GRM8: variants seen among roughly 807,000 people sequenced by gnomAD.
The protein encoded by GRM8 is glutamate metabotropic receptor 8.
A neutral mutation model predicts 87.2 loss-of-function variants in GRM8; 47 were observed. That is an observed-to-expected ratio of 0.54 (90% CI 0.43 to 0.69). The LOEUF is 0.69. Ranked by LOEUF, GRM8 falls within the 30% of genes least tolerant of loss-of-function variation. GRM8 has a pLI of 0.00. For synonymous variants in GRM8, 396 were observed against 404.5 expected (o/e 0.98, Z 0.25); for missense variants, 1,019 against 1,139.2 (o/e 0.89, Z 1.52).
chr7:127,092,371 G>C (rs1341852194), intron 3 of GRM8, among the ~76,000 whole-genome samples: 5 of 152,240 alleles, frequency 3.3e-5, no homozygotes, highest in African/African-American at 4.8e-5. Context: ...ATTAGAGAAG[G>C]CTTCCTGGAA....
chr7:126,704,607 A>T (rs1388859602), intron 7 of GRM8, among the ~76,000 whole-genome samples: 1 of 152,168 alleles, frequency 6.6e-6, no homozygotes, highest in East Asian at 1.9e-4. Context: ...TCAGCAAGGA[A>T]CATCCCTGAG....
chr7:126,531,612 C>G (rs1814833033), intron 9 of GRM8, among the ~76,000 whole-genome samples: 1 of 152,198 alleles, frequency 6.6e-6, no homozygotes, highest in African/African-American at 2.4e-5. Context: ...GCCTCTACAA[C>G]TCTGCAATGT....
chr7:126,770,086 A>C (rs1460376719), intron 6 of GRM8, 21 bp from the exon 7 acceptor site: 1 of 1,547,436 alleles, frequency 6.5e-7, no homozygotes, highest in Non-Finnish European at 8.9e-7. Context: ...AAAAAGTAAA[A>C]ACCATCAGTT....
chr7:126,982,894 T>C (rs1811678246), intron 3 of GRM8, among the ~76,000 whole-genome samples: 1 of 152,198 alleles, frequency 6.6e-6, no homozygotes, highest in African/African-American at 2.4e-5. Context: ...CCTGCCTGGA[T>C]TGGGCTGCTG....
chr7:126,470,084 C>T (rs1194205991), intron 9 of GRM8, among the ~76,000 whole-genome samples: 4 of 152,140 alleles, frequency 2.6e-5, no homozygotes, highest in African/African-American at 9.7e-5. Context: ...TCTTGCCACA[C>T]TCTAGTAAAT....
At chr7:127,197,766 G>GA (rs1563572835) in intron 2 of GRM8, among the ~76,000 whole-genome samples, 1 of 152,124 alleles carries the variant, frequency 6.6e-6, no homozygotes, top group Non-Finnish European at 1.5e-5. Context: ...AGGTAAAAGG[G>GA]AGAACATTAT....
chr7:126,924,058 A>G lies in GRM8; in HGVS notation c.728-19375T>C, dbSNP rs115561153. On this transcript the variant is annotated intron_variant, in intron 3 of 10. Coordinates refer to ENST00000339582, the MANE Select transcript of GRM8 (RefSeq NM_000845.3). ...AAGGATCTGAGTGGTTTCTTTTCCA[A>G]CAGCAAATGGGCCACCTACATCTAG... Among the ~76,000 whole-genome samples, 1,023 of 152,246 alleles carry G rather than the reference A, an allele frequency of 6.7e-3. 9 individuals carry two copies. Among genetic ancestry groups the G allele is most frequent in the African/African-American group, 0.023 (940 of 41,536 alleles).
chr7:127,015,179 A>AAGGAGG (rs1491579701), intron 3 of GRM8, among the ~76,000 whole-genome samples: 1 of 63,426 alleles, frequency 1.6e-5, no homozygotes, highest in African/African-American at 5.4e-5. Context: ...GGAGAAGGAG[A>AAGGAGG]AGAAGAAGAA....
At chr7:126,831,555 A>G (rs1036909417) in intron 6 of GRM8, among the ~76,000 whole-genome samples, 8 of 152,196 alleles carry the variant, frequency 5.3e-5, no homozygotes, top group Non-Finnish European at 7.3e-5. Context: ...CCATCGGAAA[A>G]GTCCAGTATT....
intron 8 of GRM8, among the ~76,000 whole-genome samples, chr7:126,559,286 C>A (rs1280568195): frequency 2.0e-5 from 3 of 151,772 alleles, no homozygotes; most frequent in Non-Finnish European, 4.4e-5. Context: ...ATTCTCATCC[C>A]AGCCTGTAAT....
chr7:126,777,651 T>C (rs1227347784), intron 6 of GRM8, among the ~76,000 whole-genome samples: 1 of 152,130 alleles, frequency 6.6e-6, no homozygotes, highest in Non-Finnish European at 1.5e-5. Context: ...AGTCAAAAAA[T>C]ATTATAAAAT....
chr7:127,155,262 A>G (rs1291461346), intron 2 of GRM8, among the ~76,000 whole-genome samples: 2 of 152,180 alleles, frequency 1.3e-5, no homozygotes, highest in African/African-American at 4.8e-5. Flanking sequence ...AGCACCGAGC[A>G]AGATACATCC....
intron 3 of GRM8, among the ~76,000 whole-genome samples, chr7:127,007,526 G>C (rs1814439074): frequency 6.6e-6 from 1 of 151,802 alleles, no homozygotes; most frequent in Admixed American, 6.6e-5. Context: ...TTGACTTCTA[G>C]CAATGTTTTA....
intron 7 of GRM8, among the ~76,000 whole-genome samples, chr7:126,737,126 T>G (rs1025812987): frequency 1.3e-5 from 2 of 152,084 alleles, no homozygotes; most frequent in Non-Finnish European, 1.5e-5. Flanking sequence ...TTAGGAATCA[T>G]GCAGCTGGAG....
At chr7:127,149,714 T>C (rs1393802720) in intron 2 of GRM8, among the ~76,000 whole-genome samples, 1 of 151,988 alleles carries the variant, frequency 6.6e-6, no homozygotes, top group Non-Finnish European at 1.5e-5. Context: ...AAATATACAA[T>C]GGAATATTGT....
intron 7 of GRM8, among the ~76,000 whole-genome samples, chr7:126,704,107 G>T (rs1470164996): frequency 1.3e-5 from 2 of 152,144 alleles, no homozygotes; most frequent in Non-Finnish European, 2.9e-5. Flanking sequence ...GTTGTTGGGG[G>T]AAGTCAGGGA....
intron 7 of GRM8, among the ~76,000 whole-genome samples, chr7:126,761,041 C>CA (rs897619441): frequency 6.3e-4 from 95 of 151,578 alleles, no homozygotes; most frequent in Non-Finnish European, 6.6e-4. Flanking sequence ...TACTAAAATA[C>CA]AAAAAAAATT....
At chr7:126,523,664 A>T (rs556523375) in intron 9 of GRM8, among the ~76,000 whole-genome samples, 18 of 151,996 alleles carry the variant, frequency 1.2e-4, no homozygotes, top group African/African-American at 2.9e-4. Flanking sequence ...TGCCAGGCTA[A>T]TTTTTGTATT....
chr7:127,090,275 C>T (rs1351981153), intron 3 of GRM8, among the ~76,000 whole-genome samples: 1 of 152,190 alleles, frequency 6.6e-6, no homozygotes, highest in Non-Finnish European at 1.5e-5. Context: ...TGTAAATTCC[C>T]AGCACCTAAC....
Sources: allele counts gnomAD v4.1 joint callset (sites outside exome capture counted in the v4.1 genomes callset), GRCh38; gene constraint gnomAD v4.1.1; transcripts MANE v1.5; gene names NCBI Gene and HGNC (gene_info 2026-07-23, HGNC 2026-07-21).